Variants in KCNN2 observed in about 807,000 individuals in gnomAD.
KCNN2 encodes small conductance calcium-activated potassium channel protein 2.
A neutral mutation model predicts 55.5 loss-of-function variants in KCNN2; 24 were observed. The ratio of observed to expected loss-of-function variants is 0.43; its 90% confidence interval spans 0.31 to 0.61. The LOEUF (loss-of-function observed/expected upper bound fraction) is 0.61. Among genes scored for constraint, KCNN2 ranks in the 20% least tolerant of loss-of-function variants. The pLI is 0.08. For missense variants in KCNN2, 754 were observed against 853.6 expected, an observed-to-expected ratio of 0.88 and a Z score of 1.45; for synonymous variants, 431 against 336.1, an observed-to-expected ratio of 1.28 and a Z score of -3.09.
chr5:114,084,833 A>G (rs1296064218), intron 1 of KCNN2, among the ~76,000 whole-genome samples: 1 of 151,872 alleles, frequency 6.6e-6, no homozygotes, highest in Non-Finnish European at 1.5e-5. Flanking sequence ...TTTTGAGTTA[A>G]TTTTTATGAA....
chr5:114,346,810 G>A lies in KCNN2; in HGVS notation c.-184-14135G>A, dbSNP rs1297856800. Among the ~76,000 whole-genome samples, 4 of 146,534 alleles carry A rather than the reference G, an allele frequency of 2.7e-5. No individual in the cohort carries two copies. In the South Asian group the frequency reaches 6.5e-4, roughly 24 times the overall value. On this transcript the variant is annotated intron_variant, in intron 2 of 10. Transcript: ENST00000512097. ...AGAACCAGGCATACCTGGAAAAATAGTTCACTCCAGGGGCTGGGACAGAAA... is the reference window on the plus strand; with the variant it reads ...AGAACCAGGCATACCTGGAAAAATAATTCACTCCAGGGGCTGGGACAGAAA...
intron 1 of KCNN2, among the ~76,000 whole-genome samples, chr5:114,135,903 G>C (rs1283887941): frequency 6.6e-6 from 1 of 152,066 alleles, no homozygotes; most frequent in Non-Finnish European, 1.5e-5. Flanking sequence ...GAAAATTGGA[G>C]ATAAAAGAAA....
At chr5:114,373,640 T>TTATATATATATTTATATATATATA (rs1757833408) in intron 2 of KCNN2, among the ~76,000 whole-genome samples, 2 of 56,710 alleles carry the variant, frequency 3.5e-5, no homozygotes, top group Non-Finnish European at 7.8e-5. Context: ...TATGAAGATT[T>TTATATATATATTTATATATATATA]TATATATATA....
In KCNN2 at chr5:114,173,433, TTTGTTTG is replaced by T. The variant is rs1371278802; in HGVS notation, c.-270-48045_-270-48039del. On this transcript the variant is annotated intron_variant, in intron 1 of 10. Coordinates refer to the KCNN2 transcript ENST00000512097. ...ATTCTGGTGGGTTTTTTGTTTTTGT[TTTGTTTG>T]TGTGTGTGTGTGTGTGTGTGTGTGT... Among the ~76,000 whole-genome samples the T allele has an allele frequency of 3.2e-4, 36 of 111,076 alleles. 1 individual carries two copies. Among genetic ancestry groups the T allele is most frequent in the South Asian group, 2.1e-3 (6 of 2,858 alleles). The allele number at this position is 111,076 out of a possible 152,430, so 72.9% of individuals were successfully genotyped here. A position where few individuals can be genotyped will look rare whatever the true frequency, so the allele number is the denominator to read the frequency against.
chr5:114,427,784 A>G lies in KCNN2; in HGVS notation c.1637+22928A>G, dbSNP rs527589856. Reference sequence around the variant, plus strand: ...GGGGAATAAATTAAATGACCCATAGACCTTTGGAAGCTAAGTGTTTTATTC... The same window carrying G: ...GGGGAATAAATTAAATGACCCATAGGCCTTTGGAAGCTAAGTGTTTTATTC... On this transcript the variant is annotated intron_variant, in intron 3 of 7. Coordinates refer to ENST00000673685, the MANE Select transcript of KCNN2 (RefSeq NM_021614.4). Among the ~76,000 whole-genome samples the G allele has an allele frequency of 3.9e-5, 6 of 152,258 alleles. No individual in the cohort carries two copies. The South Asian group carries it at 8.3e-4, about 21-fold the overall frequency.
At chr5:114,460,513 G>A (rs1761144965) in intron 3 of KCNN2, among the ~76,000 whole-genome samples, 1 of 152,152 alleles carries the variant, frequency 6.6e-6, no homozygotes, top group Non-Finnish European at 1.5e-5. Context: ...CAAAGTGGTA[G>A]GATTCCAGGT....
intron 2 of KCNN2, among the ~76,000 whole-genome samples, chr5:114,278,449 C>A (rs1014133146): frequency 1.3e-5 from 2 of 152,236 alleles, no homozygotes; most frequent in Non-Finnish European, 2.9e-5. Context: ...TATGCCCTGC[C>A]GCCAGAGGTT....
In KCNN2 at chr5:114,353,949, A is replaced by C. The variant is rs2150041230; in HGVS notation, c.-184-6996A>C. 2.0e-5 allele frequency among the ~76,000 whole-genome samples: 3 copies of C among 151,934 alleles called. 1 individual carries two copies. Among genetic ancestry groups the C allele is most frequent in the Admixed American group, 2.0e-4 (3 of 15,264 alleles). ...TTTGTTGAATTTCTTGGAGGTGTAG[A>C]TGAATGTTTTTATCAAATTTGGAAA... On this transcript the variant is annotated intron_variant, in intron 2 of 10. Coordinates refer to the KCNN2 transcript ENST00000512097.
At chr5:114,167,677 A>C (rs915860598) in intron 1 of KCNN2, among the ~76,000 whole-genome samples, 5 of 152,144 alleles carry the variant, frequency 3.3e-5, no homozygotes, top group African/African-American at 7.2e-5. Context: ...CATTTCAAAA[A>C]GTATTGAGGT....
intron 2 of KCNN2, among the ~76,000 whole-genome samples, chr5:114,400,823 G>A (rs143521500): frequency 6.6e-6 from 1 of 152,152 alleles, no homozygotes; most frequent in East Asian, 1.9e-4. Flanking sequence ...GCATCAAATG[G>A]TACTTATCCA....
intron 2 of KCNN2, among the ~76,000 whole-genome samples, chr5:114,349,180 T>A (rs1458749859): frequency 6.6e-6 from 1 of 152,142 alleles, no homozygotes; most frequent in Non-Finnish European, 1.5e-5. Flanking sequence ...TGCGACTGGC[T>A]TTCCTTTATG....
intron 1 of KCNN2, among the ~76,000 whole-genome samples, chr5:114,079,844 T>A (rs902811526): frequency 3.6e-4 from 54 of 149,540 alleles, no homozygotes; most frequent in Middle Eastern, 3.5e-3. Flanking sequence ...TGTGTGTGTG[T>A]GAGAGAGAGA....
chr5:114,462,822 T>C (rs182467784), intron 3 of KCNN2, among the ~76,000 whole-genome samples: 46 of 152,312 alleles, frequency 3.0e-4, no homozygotes, highest in Non-Finnish European at 4.0e-4. Flanking sequence ...GAAATCTGTT[T>C]TATATTTTAC....
At chr5:114,305,782 C>T (rs772580817) in intron 2 of KCNN2, among the ~76,000 whole-genome samples, 15 of 152,202 alleles carry the variant, frequency 9.9e-5, no homozygotes, top group East Asian at 1.9e-4. Context: ...TGAAATGTCC[C>T]TCCAGTGCCC....
intron 2 of KCNN2, among the ~76,000 whole-genome samples, chr5:114,293,691 A>C (rs1052480199): frequency 3.9e-5 from 6 of 152,164 alleles, no homozygotes; most frequent in South Asian, 2.1e-4. Context: ...TGGTATCAGG[A>C]TGATGCTGGC....
chr5:114,175,322 G>A (rs1402550678), intron 1 of KCNN2, among the ~76,000 whole-genome samples: 2 of 152,100 alleles, frequency 1.3e-5, no homozygotes, highest in Non-Finnish European at 2.9e-5. Flanking sequence ...TATATATAAA[G>A]ACTTTGAATT....
chr5:114,415,006 AC>A (rs1170125218), intron 3 of KCNN2, among the ~76,000 whole-genome samples: 2 of 152,196 alleles, frequency 1.3e-5, no homozygotes, highest in Non-Finnish European at 2.9e-5. Context: ...CTTCCAGGTG[AC>A]CACTAATATA....
At chr5:114,216,728 C>T (rs1754010668) in intron 1 of KCNN2, among the ~76,000 whole-genome samples, 1 of 152,130 alleles carries the variant, frequency 6.6e-6, no homozygotes, top group Non-Finnish European at 1.5e-5. Flanking sequence ...AATGTCCCTT[C>T]TCACCACTTC....
chr5:114,059,784 C>T (rs11241261), intron 1 of KCNN2, among the ~76,000 whole-genome samples: 17,516 of 152,106 alleles, frequency 0.12, 1,319 homozygotes, highest in Middle Eastern at 0.3. Flanking sequence ...CAGGAGAGCC[C>T]CTGAAGGTCA....
Sources: allele counts gnomAD v4.1 joint callset (sites outside exome capture counted in the v4.1 genomes callset), GRCh38; gene constraint gnomAD v4.1.1; transcripts MANE v1.5; gene names NCBI Gene and HGNC (gene_info 2026-07-23, HGNC 2026-07-21).